ZNF761: variants seen among roughly 807,000 people sequenced by gnomAD.
ZNF761 encodes the protein zinc finger protein 761.
A neutral mutation model predicts 59.9 loss-of-function variants in ZNF761; 43 were observed. The observed-to-expected ratio is 0.72, with a 90% confidence interval of 0.56 to 0.92. The LOEUF (loss-of-function observed/expected upper bound fraction) is 0.92. Among genes scored for constraint, ZNF761 ranks in the 40% least tolerant of loss-of-function variants. The probability of loss-of-function intolerance (pLI) is 0.00; values close to 1 mark genes in which losing one functional copy is unlikely to be tolerated. For missense variants in ZNF761, 850 were observed against 906.1 expected (o/e 0.94, Z 0.79); for synonymous variants, 294 against 304.8 (o/e 0.96, Z 0.37).
Position 53,449,763 on chromosome 19 carries a change from A to C in ZNF761, c.142+125A>C. The C allele has an allele frequency of 2.0e-6, 3 of 1,519,182 alleles. No individual in the cohort carries two copies. The South Asian group carries it at 3.8e-5, about 19-fold the overall frequency. The allele number at this position is 1,519,182 out of a possible 1,614,324, so 94.1% of individuals were successfully genotyped here. The stretch of plus-strand genomic sequence containing the variant: ...GAGTGCAATGGTGTGATCATGGCTC[A>C]CTGCAGTCTTGAATTCCTTGGCTCA... On this transcript the variant is annotated intron_variant, in intron 4 of 4. Coordinates refer to ENST00000684525, the MANE Select transcript of ZNF761 (RefSeq NM_001289951.2).
intron 4 of ZNF761, 65 bp from the exon 5 acceptor site, chr19:53,454,585 A>G: frequency 1.4e-6 from 2 of 1,466,396 alleles, no homozygotes; most frequent in Non-Finnish European, 1.8e-6. Context: ...TGTCGTATTT[A>G]CACATTTCAG....
intron 1 of ZNF761, among the ~76,000 whole-genome samples, chr19:53,440,221 C>T (rs9646634): frequency 2.6e-5 from 4 of 152,106 alleles, no homozygotes; most frequent in African/African-American, 9.7e-5. Context: ...CCCAATTACT[C>T]TGGAGGCCAA....
Position 53,457,441 on chromosome 19 carries a change from T to C in ZNF761, c.*693T>C. ...TGATGATAGTGGCAAAGCCTTCACT[T>C]CACACCTCATGAGACATCAGAGAAT... On this transcript the variant is annotated 3_prime_UTR_variant, in exon 5 of 5. Transcript: ENST00000684525. 1 of 402,384 alleles carries C rather than the reference T, an allele frequency of 2.5e-6. No individual in the cohort carries two copies. Among genetic ancestry groups the C allele is most frequent in the Non-Finnish European group, 4.9e-6 (1 of 203,008 alleles). The allele number at this position is 402,384 out of a possible 1,614,324, so 24.9% of individuals were successfully genotyped here. A position where few individuals can be genotyped will look rare whatever the true frequency, so the allele number is the denominator to read the frequency against.
intron 1 of ZNF761, among the ~76,000 whole-genome samples, chr19:53,433,403 T>C (rs774252028): frequency 2.4e-4 from 36 of 151,256 alleles, no homozygotes; most frequent in Non-Finnish European, 4.6e-4. Context: ...TTTTCTTCAC[T>C]CTTGTTCTGG....
Position 53,455,895 on chromosome 19 carries a change from A to G in ZNF761, c.1388A>G (p.Glu463Gly), listed in dbSNP as rs1459405672. Reference sequence around the variant, plus strand: ...TGCCATCGTAGACGTCATACTGGAGAGCAACCTTACAAATGTGAAGAATGT... The same window carrying G: ...TGCCATCGTAGACGTCATACTGGAGGGCAACCTTACAAATGTGAAGAATGT... ...LTCHRRRHTGEQPYKCEECDK... is the reference protein window; with the variant it reads ...LTCHRRRHTGGQPYKCEECDK... Residue 463 changes from glutamate to glycine, a missense_variant, in exon 5 of 5, where the codon GAG becomes GGG. Glu to Gly is a moderately conservative substitution (Grantham distance 98, BLOSUM62 -2). Transcript: ENST00000684525. 6.2e-7 allele frequency: 1 copy of G among 1,613,986 alleles called. No homozygotes were observed. The highest frequency in any genetic ancestry group is 8.5e-7 in the Non-Finnish European group (1 of 1,179,916).
At chr19:53,435,289 C>CTTTTTTTTTTTTTT (rs368157010) in intron 1 of ZNF761, among the ~76,000 whole-genome samples, 16 of 53,612 alleles carry the variant, frequency 3.0e-4, no homozygotes, top group African/African-American at 1.1e-3. Context: ...AATACAAGTC[C>CTTTTTTTTTTTTTT]TTTTTTTTTT....
intron 1 of ZNF761, among the ~76,000 whole-genome samples, chr19:53,434,318 G>T (rs1461811014): frequency 1.3e-5 from 2 of 152,126 alleles, no homozygotes; most frequent in Non-Finnish European, 2.9e-5. Flanking sequence ...TTGTAGACAG[G>T]ATACCTTCAA....
At chr19:53,441,087 G>A (rs2086094705) in intron 1 of ZNF761, among the ~76,000 whole-genome samples, 3 of 152,174 alleles carry the variant, frequency 2.0e-5, no homozygotes, top group African/African-American at 7.2e-5. Context: ...TTCAAGAGCA[G>A]CCTGGCCAAC....
chr19:53,455,462 AT>A lies in ZNF761; in HGVS notation c.957del (p.His320IlefsTer244), dbSNP rs1555839127. ...ATCAATACTTGAAAGACATAGGATAATTCATACTGAAGAGAAACCATATAAG... is the reference window on the plus strand; with the variant it reads ...ATCAATACTTGAAAGACATAGGATAATCATACTGAAGAGAAACCATATAAG... ...FKSILERHRI[I>X]HTEEKPYKCN... On this transcript the variant is annotated frameshift_variant, in exon 5 of 5. Coordinates refer to ENST00000684525, the MANE Select transcript of ZNF761 (RefSeq NM_001289951.2). LOFTEE classifies it high-confidence loss of function. 7 of 1,613,250 alleles carry A rather than the reference AT, an allele frequency of 4.3e-6. No individual in the cohort carries two copies. In the African/African-American group the frequency reaches 9.4e-5, roughly 22 times the overall value.
intron 2 of ZNF761, among the ~76,000 whole-genome samples, 189 bp downstream of exon 2, chr19:53,446,526 C>T (rs554106690): frequency 6.6e-6 from 1 of 152,092 alleles, no homozygotes; most frequent in Non-Finnish European, 1.5e-5. Context: ...CAAACAACCA[C>T]CAAGCCCAGT....
At chr19:53,446,082 T>C (rs1164442207) in intron 1 of ZNF761, 145 bp from the exon 2 acceptor site, 4 of 165,740 alleles carry the variant, frequency 2.4e-5, no homozygotes, top group African/African-American at 9.6e-5. Flanking sequence ...CCTTTCTTCT[T>C]CAGGTCTAGG....
At chr19:53,433,044 A>AG (rs34335605) in intron 1 of ZNF761, among the ~76,000 whole-genome samples, 1 of 123,516 alleles carries the variant, frequency 8.1e-6, no homozygotes, top group Non-Finnish European at 1.9e-5. Context: ...GAGTGGGGAC[A>AG]GGGGGGTATA....
intron 4 of ZNF761, chr19:53,450,476 C>G (rs1198723562): frequency 1.3e-5 from 2 of 152,092 alleles, no homozygotes; most frequent in Non-Finnish European, 2.9e-5. Flanking sequence ...AGACCTTACC[C>G]TTGTGATTTT....
intron 4 of ZNF761, among the ~76,000 whole-genome samples, chr19:53,452,020 G>A (rs2086226467): frequency 6.6e-6 from 1 of 152,170 alleles, no homozygotes; most frequent in African/African-American, 2.4e-5. Context: ...AGATGCTCCT[G>A]TTCCTGTCTC....
intron 1 of ZNF761, chr19:53,441,793 C>CA: frequency 9.4e-7 from 1 of 1,058,994 alleles, no homozygotes; most frequent in Non-Finnish European, 1.4e-6. Flanking sequence ...TTCATAATCA[C>CA]AGAGAGGAGT....
intron 1 of ZNF761, chr19:53,443,918 G>C (rs1426738720): frequency 1.6e-5 from 2 of 128,674 alleles, no homozygotes; most frequent in Non-Finnish European, 3.3e-5. Context: ...CCAACCCTGT[G>C]CTCACAGAAA....
At chr19:53,452,131 T>C (rs1288285846) in intron 4 of ZNF761, among the ~76,000 whole-genome samples, 2 of 152,120 alleles carry the variant, frequency 1.3e-5, no homozygotes, top group African/African-American at 4.8e-5. Context: ...GGCTGATCAC[T>C]TGAAATCAGG....
At chr19:53,441,099 T>C (rs1182494484) in intron 1 of ZNF761, among the ~76,000 whole-genome samples, 1 of 152,144 alleles carries the variant, frequency 6.6e-6, no homozygotes, top group East Asian at 1.9e-4. Context: ...CTGGCCAACA[T>C]GGTGAAACCT....
chr19:53,453,773 G>A (rs2086240957), intron 4 of ZNF761, among the ~76,000 whole-genome samples: 1 of 152,144 alleles, frequency 6.6e-6, no homozygotes, highest in South Asian at 2.1e-4. Flanking sequence ...GTACTCAGGA[G>A]GCTGAGGCAG....
Sources: allele counts gnomAD v4.1 joint callset (sites outside exome capture counted in the v4.1 genomes callset), GRCh38; gene constraint gnomAD v4.1.1; transcripts MANE v1.5; gene names NCBI Gene and HGNC (gene_info 2026-07-23, HGNC 2026-07-21).